PPP2R1B: variants seen among roughly 807,000 people sequenced by gnomAD.
The protein encoded by PPP2R1B is serine/threonine-protein phosphatase 2A 65 kDa regulatory subunit A beta isoform.
PPP2R1B carries 58 observed loss-of-function variants against 72.7 expected under a neutral mutation model. The observed-to-expected ratio is 0.80, with a 90% CI of 0.65 to 0.99. The LOEUF is 0.99. Among genes scored for constraint, PPP2R1B ranks in the 50% least tolerant of loss-of-function variants. The pLI is 0.00. For synonymous variants in PPP2R1B, 256 were observed against 264.6 expected (o/e 0.97, Z 0.32); for missense variants, 695 against 733.6 (o/e 0.95, Z 0.61).
the PPP2R1B span, among the ~76,000 whole-genome samples, chr11:111,719,259 C>G: frequency 6.6e-6 from 1 of 151,706 alleles, no homozygotes; most frequent in Non-Finnish European, 1.5e-5. Flanking sequence ...AAGACTAAAT[C>G]AAATGGGCAG....
chr11:111,701,330 A>C, the PPP2R1B span: 14 of 1,319,608 alleles, frequency 1.1e-5, no homozygotes, highest in Non-Finnish European at 1.4e-5. The surrounding 1 kb of genome is among the most constrained non-coding windows in gnomAD (Gnocchi z 4.2). Context: ...TTCTGAGAAA[A>C]TAATAAATCC....
chr11:111,698,792 C>T, the PPP2R1B span, among the ~76,000 whole-genome samples: 1 of 152,206 alleles, frequency 6.6e-6, no homozygotes, highest in Non-Finnish European at 1.5e-5. Context: ...TAAAACTCAT[C>T]CTGTGATTAT....
At chr11:111,702,183 C>A in the PPP2R1B span, among the ~76,000 whole-genome samples, 1 of 152,164 alleles carries the variant, frequency 6.6e-6, no homozygotes, top group African/African-American at 2.4e-5. Flanking sequence ...GGTTACTGGC[C>A]ATATGACTTT....
chr11:111,731,781 G>A (rs914890662), intron 15 of PPP2R1B, among the ~76,000 whole-genome samples: 2 of 152,232 alleles, frequency 1.3e-5, no homozygotes, highest in African/African-American at 2.4e-5. Flanking sequence ...CCTTAAACTG[G>A]TGGTTACCCC....
the PPP2R1B span, among the ~76,000 whole-genome samples, chr11:111,695,522 A>T: frequency 6.6e-6 from 1 of 152,234 alleles, no homozygotes; most frequent in Non-Finnish European, 1.5e-5. Context: ...GCAACAGTAA[A>T]CATTGACAAA....
At chr11:111,730,733 G>T (rs1450254672) in intron 15 of PPP2R1B, 1 of 152,110 alleles carries the variant, frequency 6.6e-6, no homozygotes, top group South Asian at 2.1e-4. Flanking sequence ...CTAAAATGCA[G>T]TGTAATAAAT....
chr11:111,734,559 C>T (rs1259618429), downstream of PPP2R1B, among the ~76,000 whole-genome samples: 2 of 152,260 alleles, frequency 1.3e-5, no homozygotes, highest in East Asian at 1.9e-4. Flanking sequence ...TAAGGACCTG[C>T]TCCCGTGTGC....
chr11:111,737,655 CCT>C, downstream of PPP2R1B: 1 of 1,588,746 alleles, frequency 6.3e-7, no homozygotes. Context: ...GCCAGGATGC[CCT>C]CAGTTGTGCC....
At chr11:111,721,186 A>G in the PPP2R1B span, 11 of 1,202,062 alleles carry the variant, frequency 9.2e-6, no homozygotes, top group South Asian at 1.8e-4. Flanking sequence ...GTTTGGGAAA[A>G]CCCACAGCTT....
chr11:111,725,955 T>C (rs1943951362), downstream of PPP2R1B: 1 of 152,174 alleles, frequency 6.6e-6, no homozygotes, highest in East Asian at 1.9e-4. Context: ...ACAGTGAAAA[T>C]CCAGGAAGAA....
downstream of PPP2R1B, chr11:111,723,949 T>G: frequency 6.2e-7 from 1 of 1,614,068 alleles, no homozygotes; most frequent in Non-Finnish European, 8.5e-7. Context: ...CCTGTCAGTA[T>G]CCTGTGGATG....
chr11:111,711,268 G>A, the PPP2R1B span, among the ~76,000 whole-genome samples: 3 of 151,748 alleles, frequency 2.0e-5, no homozygotes, highest in Non-Finnish European at 2.9e-5. Context: ...ACAGGCACCC[G>A]CCACCACACC....
At chr11:111,709,717 TC>T in the PPP2R1B span, among the ~76,000 whole-genome samples, 1 of 152,316 alleles carries the variant, frequency 6.6e-6, no homozygotes, top group African/African-American at 2.4e-5. Context: ...ACTCCTTTGG[TC>T]CCCTCAGTGA....
chr11:111,692,709 A>G, the PPP2R1B span, among the ~76,000 whole-genome samples: 1 of 152,050 alleles, frequency 6.6e-6, no homozygotes. Context: ...ATCTCTGAGA[A>G]CTCTTAAATC....
At chr11:111,756,985 G>A (rs376110580) in intron 5 of PPP2R1B, among the ~76,000 whole-genome samples, 8 of 151,952 alleles carry the variant, frequency 5.3e-5, no homozygotes, top group African/African-American at 1.9e-4. Flanking sequence ...ATGGTGGCAC[G>A]TGCCTGTAAT....
chr11:111,689,352 T>C, the PPP2R1B span, among the ~76,000 whole-genome samples: 7 of 152,276 alleles, frequency 4.6e-5, no homozygotes, highest in African/African-American at 1.4e-4. Flanking sequence ...GTCAGAAATA[T>C]GTCTCTGGCA....
chr11:111,701,736 C>T, the PPP2R1B span, among the ~76,000 whole-genome samples: 6 of 152,100 alleles, frequency 3.9e-5, no homozygotes, highest in Admixed American at 6.5e-5. This position sits in a 1 kb window ranked among gnomAD's most constrained non-coding sequence, Gnocchi z 4.2. Flanking sequence ...TTTATGTAGG[C>T]GAGACAGGTT....
chr11:111,743,607 T>C, intron 11 of PPP2R1B, 77 bp from the exon 12 acceptor site: 1 of 1,519,854 alleles, frequency 6.6e-7, no homozygotes, highest in Non-Finnish European at 8.8e-7. Context: ...TACATGAAAA[T>C]CAAATGTGGA....
the PPP2R1B span, among the ~76,000 whole-genome samples, chr11:111,707,478 T>A: frequency 1.3e-5 from 2 of 152,206 alleles, no homozygotes; most frequent in Non-Finnish European, 2.9e-5. Flanking sequence ...TTGACCCAAG[T>A]CTCAATGGAA....
Sources: gnomAD v4.1 joint callset for allele counts (sites outside exome capture counted in the v4.1 genomes callset) on GRCh38, gnomAD v4.1.1 for gene constraint, Gnocchi (gnomAD v3.1) non-coding constraint, MANE v1.5 for transcripts, NCBI Gene and HGNC (gene_info 2026-07-23, HGNC 2026-07-21) for gene names.